RBM15B: variants seen among roughly 807,000 people sequenced by gnomAD.
RBM15B encodes the protein putative RNA-binding protein 15B.
RBM15B carries 11 observed loss-of-function variants against 53.3 expected under a neutral mutation model. The ratio of observed to expected loss-of-function variants is 0.21; its 90% CI spans 0.13 to 0.34. The LOEUF (loss-of-function observed/expected upper bound fraction) is 0.34. RBM15B is among the 10% of genes least tolerant of loss of function. The probability of loss-of-function intolerance (pLI) is 1.00; values close to 1 mark genes in which losing one functional copy is unlikely to be tolerated. For missense variants in RBM15B, 1,136 were observed against 1,250.3 expected (o/e 0.91, Z 1.38); for synonymous variants, 631 against 540.7 (o/e 1.17, Z -2.32).
In RBM15B at chr3:51,393,707, C is replaced by G. The variant is rs1553622047; in HGVS notation, c.2308C>G (p.Arg770Gly). ...LTQLKIAQRL[R>G]LDQPKLDEVT... ...CCAGCTGAAGATCGCCCAGCGCCTT[C>G]GACTGGACCAGCCCAAGCTTGACGA... Residue 770 changes from arginine to glycine, a missense_variant, in exon 1 of 1, where the codon CGA becomes GGA. Arg to Gly is a moderately radical substitution (Grantham distance 125, BLOSUM62 -2). This residue lies in a region of RBM15B where 578 missense variants were observed against 581.6 expected (regional missense o/e 0.99). Coordinates refer to ENST00000563281, the MANE Select transcript of RBM15B (RefSeq NM_013286.5). The surrounding 1 kb of genome is among the most constrained non-coding windows in gnomAD (Gnocchi z 5.6). The G allele has an allele frequency of 6.2e-7, 1 of 1,613,216 alleles. No homozygotes were observed. The highest frequency in any genetic ancestry group is 8.5e-7 in the Non-Finnish European group (1 of 1,179,728).
In RBM15B at chr3:51,393,473, G is replaced by C. The variant is rs782549474; in HGVS notation, c.2074G>C (p.Glu692Gln). ...RDSERNHRTTEAEPKPLEEPK... is the reference protein window; with the variant it reads ...RDSERNHRTTQAEPKPLEEPK... Reference sequence around the variant, plus strand: ...CAGCGAGCGCAATCACCGGACCACAGAGGCCGAGCCCAAGCCTCTGGAAGA... The same window carrying C: ...CAGCGAGCGCAATCACCGGACCACACAGGCCGAGCCCAAGCCTCTGGAAGA... The change falls in exon 1 of 1, where the codon GAG becomes CAG. Residue 692 changes from glutamate to glutamine, a missense_variant. Physicochemically the swap from Glu to Gln is conservative, Grantham distance 29. Around this residue, in one of 7 missense-constraint regions of RBM15B, gnomAD observed 578 missense variants for 581.6 expected, o/e 0.99. Transcript: ENST00000563281. This position sits in a 1 kb window ranked among gnomAD's most constrained non-coding sequence, Gnocchi z 5.6. 6.2e-7 allele frequency: 1 copy of C among 1,613,966 alleles called. No homozygotes were observed. The highest frequency in any genetic ancestry group is 8.5e-7 in the Non-Finnish European group (1 of 1,179,972).
rs1484653203 is a variant in RBM15B at position 51,394,321 on chromosome 3, G to A, written c.*249G>A. 3 of 440,156 alleles carry A rather than the reference G, an allele frequency of 6.8e-6. No homozygotes were observed. The highest frequency in any genetic ancestry group is 6.1e-5 in the African/African-American group (3 of 49,004). The allele number at this position is 440,156 out of a possible 1,614,324, so 27.3% of individuals were successfully genotyped here. A position where few individuals can be genotyped will look rare whatever the true frequency, so the allele number is the denominator to read the frequency against. ...AGTGTACAAGATACTGTCTGCTGTG[G>A]TTCTGTATTTTTTTATTTTTTGACC... is the stretch of plus-strand genomic sequence containing the variant. On this transcript the variant is annotated 3_prime_UTR_variant, in exon 1 of 1. Coordinates refer to ENST00000563281, the MANE Select transcript of RBM15B (RefSeq NM_013286.5).
Position 51,391,997 on chromosome 3 carries a change from G to GC in RBM15B, c.601dup (p.Leu201ProfsTer30). 1 of 1,598,700 alleles carries GC rather than the reference G, an allele frequency of 6.3e-7. No individual in the cohort carries two copies. Among genetic ancestry groups the GC allele is most frequent in the Non-Finnish European group, 8.5e-7 (1 of 1,177,986 alleles). ...GGACGCACGCGAGGCCCGCCAGCAC[G>GC]CCCTGGCCCGGCAGCTGCTGCTCTA... On this transcript the variant is annotated frameshift_variant, in exon 1 of 1. Coordinates refer to ENST00000563281, the MANE Select transcript of RBM15B (RefSeq NM_013286.5). LOFTEE classifies it high-confidence loss of function. The surrounding 1 kb of genome is among the most constrained non-coding windows in gnomAD (Gnocchi z 4.5).
Position 51,392,695 on chromosome 3 carries a change from G to A in RBM15B, c.1296G>A (p.Ala432=), listed in dbSNP as rs782616347. ...GCCTGGGACCTAACACGTCACTGGC[G>A]GCTCTGGCCCGAGAGTTTGACCGCT... ...VGGLGPNTSL[A]ALAREFDRFG... Residue 432 remains alanine, a synonymous_variant, in exon 1 of 1, where the codon GCG becomes GCA. Transcript: ENST00000563281. The surrounding 1 kb of genome is among the most constrained non-coding windows in gnomAD (Gnocchi z 7.5). 3 of 1,614,132 alleles carry A rather than the reference G, an allele frequency of 1.9e-6. No homozygotes were observed. The highest frequency in any genetic ancestry group is 2.5e-6 in the Non-Finnish European group (3 of 1,180,030).
chr3:51,391,855 C>T lies in RBM15B; in HGVS notation c.456C>T (p.Ala152=), dbSNP rs201528516. Residue 152 remains alanine, a synonymous_variant, in exon 1 of 1, where the codon GCC becomes GCT. Transcript: ENST00000563281. This position sits in a 1 kb window ranked among gnomAD's most constrained non-coding sequence, Gnocchi z 4.5. ...LISSLSPALP[A]EHLEDRLFHQ... is the part of the protein sequence containing the mutation. The stretch of plus-strand genomic sequence containing the variant: ...GCAGCTTGAGCCCCGCGCTGCCCGC[C>T]GAGCACCTCGAGGACCGGCTCTTCC... 11 of 1,603,246 alleles carry T rather than the reference C, an allele frequency of 6.9e-6. No individual in the cohort carries two copies. The highest frequency in any genetic ancestry group is 1.3e-5 in the African/African-American group (1 of 74,700).
chr3:51,393,762 C>T lies in RBM15B; in HGVS notation c.2363C>T (p.Pro788Leu), dbSNP rs141314880. 2.5e-6 allele frequency: 4 copies of T among 1,613,750 alleles called. No individual in the cohort carries two copies. In the African/African-American group the frequency reaches 4.0e-5, roughly 16 times the overall value. The change falls in exon 1 of 1, where the codon CCC becomes CTC. Residue 788 changes from proline to leucine, a missense_variant. Around this residue, in one of 7 missense-constraint regions of RBM15B, gnomAD observed 578 missense variants for 581.6 expected, o/e 0.99. Transcript: ENST00000563281. This position sits in a 1 kb window ranked among gnomAD's most constrained non-coding sequence, Gnocchi z 5.6. ...ACACGACGCATCAAGCAGGGGAGCC[C>T]CAACGGCTATGCGGTCCTCTTAGCC... is the stretch of plus-strand genomic sequence containing the variant. ...EVTRRIKQGS[P>L]NGYAVLLATQ...
Position 51,392,062 on chromosome 3 carries a change from C to A in RBM15B, c.663C>A (p.Gly221=), listed in dbSNP as rs782579325. 1.3e-6 allele frequency: 2 copies of A among 1,587,346 alleles called. No homozygotes were observed. The highest frequency in any genetic ancestry group is 3.4e-5 in the Admixed American group (2 of 58,036). Residue 221 remains glycine (G), a synonymous_variant, in exon 1 of 1, where the codon GGC becomes GGA. Transcript: ENST00000563281. This position sits in a 1 kb window ranked among gnomAD's most constrained non-coding sequence, Gnocchi z 7.5. The part of the protein sequence containing the change: ...PLKVEPVYLR[G]GGGSSRRSSS... ...AGGTAGAGCCCGTGTACCTGCGTGGCGGCGGCGGGAGCAGTCGGCGAAGTA... is the reference window on the plus strand; with the variant it reads ...AGGTAGAGCCCGTGTACCTGCGTGGAGGCGGCGGGAGCAGTCGGCGAAGTA...
chr3:51,391,477 C>G lies in RBM15B; in HGVS notation c.78C>G (p.Arg26=), dbSNP rs2089035215. The G allele has an allele frequency of 2.4e-6, 3 of 1,244,646 alleles. No homozygotes were observed. Among genetic ancestry groups the G allele is most frequent in the African/African-American group, 1.6e-5 (1 of 63,356 alleles). 77.1% of individuals were successfully genotyped at this position (1,244,646 alleles called of 1,614,324 possible). A position where few individuals can be genotyped will look rare whatever the true frequency, so the allele number is the denominator to read the frequency against. ...CGTCCGCCAAGCGTCCGCGGGAGCG[C>G]GAACGGGAGGCGGAGGCGGGCGGGC... ...SSSSAKRPRE[R]EREAEAGGRR... Residue 26 remains arginine, a synonymous_variant, in exon 1 of 1, where the codon CGC becomes CGG. Coordinates refer to ENST00000563281, the MANE Select transcript of RBM15B (RefSeq NM_013286.5). The surrounding 1 kb of genome is among the most constrained non-coding windows in gnomAD (Gnocchi z 4.5).
rs2089273934 is a variant in RBM15B, at chr3:51,397,417, C to T, written c.*3345C>T. On this transcript the variant is annotated 3_prime_UTR_variant, in exon 1 of 1. Coordinates refer to ENST00000563281, the MANE Select transcript of RBM15B (RefSeq NM_013286.5). ...ATGCTCAAGTCCACTGTCACAATCC[C>T]TTTCAGAAAACATTAGTGGCCGCTG... The T allele has an allele frequency of 6.0e-6, 1 of 167,114 alleles. No homozygotes were observed. The highest frequency in any genetic ancestry group is 1.5e-5 in the Non-Finnish European group (1 of 68,136). 10.4% of individuals were successfully genotyped at this position (167,114 alleles called of 1,614,324 possible).
Position 51,391,452 on chromosome 3 carries a change from C to A in RBM15B, c.53C>A (p.Ser18Ter). ...AGCCCGAGCGGGCGCGGCTCGTCAT[C>A]GTCCGCCAAGCGTCCGCGGGAGCGC... ...DSSPSGRGSS[S>*]SAKRPRERER... The change falls in exon 1 of 1, where the codon TCG becomes TAG. Residue 18 changes from serine to a stop codon, truncating the protein, a stop_gained. Transcript: ENST00000563281. LOFTEE classifies it high-confidence loss of function. This position sits in a 1 kb window ranked among gnomAD's most constrained non-coding sequence, Gnocchi z 4.5. 1 of 1,269,546 alleles carries A rather than the reference C, an allele frequency of 7.9e-7. No individual in the cohort carries two copies. The highest frequency in any genetic ancestry group is 1.0e-6 in the Non-Finnish European group (1 of 1,004,432). 78.6% of individuals were successfully genotyped at this position (1,269,546 alleles called of 1,614,324 possible).
In RBM15B at chr3:51,397,848, G is replaced by C. The variant is rs2089312702; in HGVS notation, c.*3776G>C. On this transcript the variant is annotated 3_prime_UTR_variant, in exon 1 of 1. Coordinates refer to ENST00000563281, the MANE Select transcript of RBM15B (RefSeq NM_013286.5). Reference sequence around the variant, plus strand: ...AAAATAGGGAAAGGCCATAAACAAAGACAGACTTGTAGTTTATTTTGTATT... The same window carrying C: ...AAAATAGGGAAAGGCCATAAACAAACACAGACTTGTAGTTTATTTTGTATT... 6.0e-6 allele frequency: 1 copy of C among 166,902 alleles called. No homozygotes were observed. Among genetic ancestry groups the C allele is most frequent in the Non-Finnish European group, 1.5e-5 (1 of 68,076 alleles). The allele number at this position is 166,902 out of a possible 1,614,324, so 10.3% of individuals were successfully genotyped here.
In RBM15B at chr3:51,392,843, G is replaced by C; in HGVS notation, c.1444G>C (p.Asp482His). The change falls in exon 1 of 1, where the codon GAC (aspartate) becomes CAC (histidine). Residue 482 changes from aspartate (D) to histidine (H), a missense_variant. Around this residue, in one of 7 missense-constraint regions of RBM15B, gnomAD observed 578 missense variants for 581.6 expected, o/e 0.99. Transcript: ENST00000563281. This position sits in a 1 kb window ranked among gnomAD's most constrained non-coding sequence, Gnocchi z 7.5. The stretch of plus-strand genomic sequence containing the variant: ...GAGGGGTTTTCCCTTGGGTGGACCA[G>C]ACCGCAGGCTCCGCGTGGATTTTGC... Reference protein sequence around the residue: ...KMRGFPLGGPDRRLRVDFAKA... With the variant: ...KMRGFPLGGPHRRLRVDFAKA... 6.2e-7 allele frequency: 1 copy of C among 1,614,088 alleles called. No individual in the cohort carries two copies. The highest frequency in any genetic ancestry group is 8.5e-7 in the Non-Finnish European group (1 of 1,180,044).
rs782048066 is a variant in RBM15B at position 51,392,336 on chromosome 3, C to G, written c.937C>G (p.Arg313Gly). ...ALDYYGLYDD[R>G]GRPYGYPAVC... ...GGACTACTACGGGCTGTACGACGACCGTGGGCGCCCCTATGGCTACCCAGC... is the reference window on the plus strand; with the variant it reads ...GGACTACTACGGGCTGTACGACGACGGTGGGCGCCCCTATGGCTACCCAGC... The change falls in exon 1 of 1, where the codon CGT becomes GGT. Residue 313 changes from arginine (R) to glycine (G), a missense_variant. By Grantham distance (125) the Arg-to-Gly change is moderately radical. This residue lies in a region of RBM15B where 204 missense variants were observed against 196.8 expected (regional missense o/e 1.04). Coordinates refer to ENST00000563281, the MANE Select transcript of RBM15B (RefSeq NM_013286.5). This position sits in a 1 kb window ranked among gnomAD's most constrained non-coding sequence, Gnocchi z 7.5. 5 of 1,613,574 alleles carry G rather than the reference C, an allele frequency of 3.1e-6. No individual in the cohort carries two copies. The South Asian group carries it at 3.3e-5, about 11-fold the overall frequency.
In RBM15B at chr3:51,391,379, C is replaced by G; in HGVS notation, c.-21C>G. 5 of 1,210,456 alleles carry G rather than the reference C, an allele frequency of 4.1e-6. No individual in the cohort carries two copies. The highest frequency in any genetic ancestry group is 5.1e-6 in the Non-Finnish European group (5 of 975,898). The allele number at this position is 1,210,456 out of a possible 1,614,324, so 75.0% of individuals were successfully genotyped here. On this transcript the variant is annotated 5_prime_UTR_variant, in exon 1 of 1. Coordinates refer to ENST00000563281, the MANE Select transcript of RBM15B (RefSeq NM_013286.5). This position sits in a 1 kb window ranked among gnomAD's most constrained non-coding sequence, Gnocchi z 4.5. ...GCCGCTGTGAGAAACCTACGGGCCG[C>G]CCGCCCGCCGCGCCAGCGCCATGAA... is the stretch of plus-strand genomic sequence containing the variant.
At position 51,392,102 on chromosome 3, in the gene RBM15B, G is replaced by A. The variant is rs782039232; in HGVS notation, c.703G>A (p.Ala235Thr). 2.6e-6 allele frequency: 4 copies of A among 1,544,014 alleles called. No homozygotes were observed. The highest frequency in any genetic ancestry group is 3.5e-6 in the Non-Finnish European group (4 of 1,151,854). The change falls in exon 1 of 1, where the codon GCC becomes ACC. Residue 235 changes from alanine (A) to threonine (T), a missense_variant. Physicochemically the swap from Ala to Thr is moderately conservative, Grantham distance 58. Transcript: ENST00000563281. The surrounding 1 kb of genome is among the most constrained non-coding windows in gnomAD (Gnocchi z 7.5). ...TCGGCGAAGTAGCAGCAGCAGCGCC[G>A]CCGCTTCCACGCCTCCCCCAGGGCC... is the stretch of plus-strand genomic sequence containing the variant. ...SSRRSSSSSAAASTPPPGPPA... is the reference protein window; with the variant it reads ...SSRRSSSSSATASTPPPGPPA...
At position 51,392,820 on chromosome 3, in the gene RBM15B, G is replaced by A; in HGVS notation, c.1421G>A (p.Arg474Lys). Reference sequence around the variant, plus strand: ...GCCCAGGCCGCCTGTGCTAAAATGAGGGGTTTTCCCTTGGGTGGACCAGAC... The same window carrying A: ...GCCCAGGCCGCCTGTGCTAAAATGAAGGGTTTTCCCTTGGGTGGACCAGAC... ...DAAQAACAKM[R>K]GFPLGGPDRR... The change falls in exon 1 of 1, where the codon AGG (arginine) becomes AAG (lysine). Residue 474 changes from arginine (R) to lysine (K), a missense_variant. Around this residue, in one of 7 missense-constraint regions of RBM15B, gnomAD observed 578 missense variants for 581.6 expected, o/e 0.99. Transcript: ENST00000563281. The surrounding 1 kb of genome is among the most constrained non-coding windows in gnomAD (Gnocchi z 7.5). The A allele has an allele frequency of 6.2e-7, 1 of 1,614,094 alleles. No homozygotes were observed. The highest frequency in any genetic ancestry group is 1.1e-5 in the South Asian group (1 of 91,088).
At position 51,393,828 on chromosome 3, in the gene RBM15B, C is replaced by A. The variant is rs2089083327; in HGVS notation, c.2429C>A (p.Pro810His). Residue 810 changes from proline to histidine, a missense_variant, in exon 1 of 1, where the codon CCC (proline) becomes CAC (histidine). Physicochemically the swap from Pro to His is moderately conservative, Grantham distance 77 (BLOSUM62 -2). Transcript: ENST00000563281. The surrounding 1 kb of genome is among the most constrained non-coding windows in gnomAD (Gnocchi z 5.6). ...AGTGGGCTTGGCACTGAGGGGATGCCCACAGTAGAGCCCGGTCTGCAGAGG... is the reference window on the plus strand; with the variant it reads ...AGTGGGCTTGGCACTGAGGGGATGCACACAGTAGAGCCCGGTCTGCAGAGG... ...TPSGLGTEGM[P>H]TVEPGLQRRL... The A allele has an allele frequency of 1.2e-6, 2 of 1,610,360 alleles. No individual in the cohort carries two copies. Among genetic ancestry groups the A allele is most frequent in the Non-Finnish European group, 1.7e-6 (2 of 1,178,742 alleles).
chr3:51,395,761 G>C lies in RBM15B; in HGVS notation c.*1689G>C. ...TGCAGGCTGTGGAGAGGTCATGCTG[G>C]TCCACAGGAACACTTGGCAGTGCTC... On this transcript the variant is annotated 3_prime_UTR_variant, in exon 1 of 1. Transcript: ENST00000563281. The C allele has an allele frequency of 2.4e-6, 1 of 413,512 alleles. No homozygotes were observed. Among genetic ancestry groups the C allele is most frequent in the Non-Finnish European group, 4.4e-6 (1 of 226,136 alleles). 25.6% of individuals were successfully genotyped at this position (413,512 alleles called of 1,614,324 possible).
Position 51,391,317 on chromosome 3 carries a change from C to T in RBM15B, c.-83C>T, listed in dbSNP as rs1162415566. The T allele has an allele frequency of 7.1e-6, 8 of 1,119,280 alleles. 1 individual carries two copies. The highest frequency in any genetic ancestry group is 4.3e-5 in the South Asian group (1 of 23,068). The allele number at this position is 1,119,280 out of a possible 1,614,324, so 69.3% of individuals were successfully genotyped here. On this transcript the variant is annotated 5_prime_UTR_variant, in exon 1 of 1. Transcript: ENST00000563281. The surrounding 1 kb of genome is among the most constrained non-coding windows in gnomAD (Gnocchi z 4.5). The stretch of plus-strand genomic sequence containing the variant: ...GTCCTTTTGTCCAAGATGGCGGCGC[C>T]GGGGGCGCTGCCTCCTCGGCCGCCG...
Sources: gnomAD v4.1 joint callset for allele counts on GRCh38, gnomAD v4.1.1 for gene constraint, gnomAD v4.1.1 regional missense constraint, Gnocchi (gnomAD v3.1) non-coding constraint, MANE v1.5 for transcripts, NCBI Gene and HGNC (gene_info 2026-07-23, HGNC 2026-07-21) for gene names.